Variants in CCDC66 observed in about 807,000 individuals in gnomAD.
CCDC66 encodes the protein coiled-coil domain containing 66.
CCDC66 carries 133 observed loss-of-function variants against 128.3 expected under a neutral mutation model. The observed-to-expected ratio is 1.04, with a 90% confidence interval of 0.90 to 1.20. The LOEUF (loss-of-function observed/expected upper bound fraction) is 1.20. CCDC66 is among the 50% of genes most tolerant of loss of function. CCDC66 has a pLI of 0.00. For synonymous variants in CCDC66, 387 were observed against 357.0 expected (o/e 1.08, Z -0.95); for missense variants, 1,126 against 1,075.5 (o/e 1.05, Z -0.66).
Position 56,566,590 on chromosome 3 carries a change from C to T in CCDC66, c.545-4C>T. On this transcript the variant is annotated splice_polypyrimidine_tract_variant and splice_region_variant and intron_variant, in intron 4 of 17. Coordinates refer to ENST00000394672, the MANE Select transcript of CCDC66 (RefSeq NM_001141947.3). ...AATTTTAAAACATGTATTTTACCTC[C>T]TAGGTCAATATAGTCTATATTTAAA... 1 of 1,538,358 alleles carries T rather than the reference C, an allele frequency of 6.5e-7. No individual in the cohort carries two copies. The highest frequency in any genetic ancestry group is 9.0e-7 in the Non-Finnish European group (1 of 1,116,026).
chr3:56,619,937 T>TTATG, intron 17 of CCDC66, 36 bp downstream of exon 17: 1 of 1,600,350 alleles, frequency 6.2e-7, no homozygotes, highest in Non-Finnish European at 8.5e-7. Context: ...TGTCTGTTCT[T>TTATG]TATGTGGCGT....
chr3:56,563,196 A>C (rs2065336624), intron 3 of CCDC66, among the ~76,000 whole-genome samples: 1 of 151,844 alleles, frequency 6.6e-6, no homozygotes, highest in Admixed American at 6.6e-5. Context: ...CCCCGTCCCT[A>C]CTAAAAATAC....
At chr3:56,612,619 G>T (rs972490643) in intron 10 of CCDC66, among the ~76,000 whole-genome samples, 1 of 152,198 alleles carries the variant, frequency 6.6e-6, no homozygotes, top group African/African-American at 2.4e-5. Flanking sequence ...ACAACCCTCT[G>T]GGATCCAAGC....
chr3:56,593,138 TAAAATC>T (rs2071242676), intron 8 of CCDC66, 37 bp downstream of exon 8: 1 of 1,475,538 alleles, frequency 6.8e-7, no homozygotes, highest in Non-Finnish European at 9.2e-7. Context: ...AAAGAAAAAA[TAAAATC>T]AAAGTCTTTA....
At chr3:56,572,470 A>G (rs1346385167) in intron 7 of CCDC66, 69 of 973,738 alleles carry the variant, frequency 7.1e-5, no homozygotes, top group Non-Finnish European at 2.8e-6. Context: ...TAAACCTTTT[A>G]GTATTTGACC....
chr3:56,559,446 T>C, intron 2 of CCDC66, 123 bp from the exon 3 acceptor site: 1 of 619,634 alleles, frequency 1.6e-6, no homozygotes, highest in East Asian at 3.2e-5. Context: ...ATCTAAAGTT[T>C]ATGCTTTCGA....
intron 6 of CCDC66, among the ~76,000 whole-genome samples, chr3:56,567,966 A>T (rs2066108932): frequency 6.6e-6 from 1 of 152,190 alleles, no homozygotes; most frequent in Admixed American, 6.5e-5. Flanking sequence ...CTAGGATTAC[A>T]GGCGTGAGCC....
intron 7 of CCDC66, among the ~76,000 whole-genome samples, chr3:56,582,372 G>A (rs184182516): frequency 9.9e-5 from 15 of 151,916 alleles, no homozygotes; most frequent in Admixed American, 7.9e-4. Context: ...AGGGTGAGGC[G>A]ATGCCCCACC....
At chr3:56,558,955 T>C in intron 2 of CCDC66, 45 bp downstream of exon 2, 1 of 1,337,232 alleles carries the variant, frequency 7.5e-7, no homozygotes, top group Non-Finnish European at 1.0e-6. Context: ...TTTAAATTCA[T>C]ACATAAAATT....
chr3:56,578,438 A>G lies in CCDC66; in HGVS notation c.936+7136A>G, dbSNP rs1379011536. Reference sequence around the variant, plus strand: ...CTGATTGCCCTGGCCAGAACTTCCAATACTATGTTGAATAGGAGTGGAGAG... The same window carrying G: ...CTGATTGCCCTGGCCAGAACTTCCAGTACTATGTTGAATAGGAGTGGAGAG... On this transcript the variant is annotated intron_variant, in intron 7 of 17. Coordinates refer to ENST00000394672, the MANE Select transcript of CCDC66 (RefSeq NM_001141947.3). Among the ~76,000 whole-genome samples the G allele has an allele frequency of 2.0e-5, 3 of 151,834 alleles. 1 individual carries two copies. In the East Asian group the frequency reaches 5.9e-4, roughly 30 times the overall value.
At chr3:56,565,642 A>T (rs1441701282) in intron 4 of CCDC66, among the ~76,000 whole-genome samples, 2 of 147,152 alleles carry the variant, frequency 1.4e-5, no homozygotes, top group African/African-American at 2.5e-5. Context: ...TTTTAGATGG[A>T]GTCTCGCTCC....
At chr3:56,614,684 C>T (rs1293925378) in intron 11 of CCDC66, among the ~76,000 whole-genome samples, 1 of 152,144 alleles carries the variant, frequency 6.6e-6, no homozygotes, top group Non-Finnish European at 1.5e-5. Context: ...CACTTGGCAA[C>T]CTTCACTCCA....
chr3:56,583,464 G>A (rs2068788857), intron 7 of CCDC66, among the ~76,000 whole-genome samples: 1 of 151,924 alleles, frequency 6.6e-6, no homozygotes, highest in Non-Finnish European at 1.5e-5. Context: ...CAGTGTTTGT[G>A]TCCCTGGGTA....
intron 7 of CCDC66, among the ~76,000 whole-genome samples, chr3:56,587,059 C>T (rs2069902832): frequency 6.6e-6 from 1 of 151,544 alleles, no homozygotes; most frequent in Non-Finnish European, 1.5e-5. Flanking sequence ...AGATAAGATG[C>T]CAATATATTA....
chr3:56,617,276 T>A lies in CCDC66; in HGVS notation c.2008T>A (p.Leu670Ile), dbSNP rs532668893. ...ACTAACTCAGGATAAAGGAGCCAGC[T>A]TAGAAAAAGAAAACAATCGGTGTAA... ...QELTQDKGAS[L>I]EKENNRCNDQ... Residue 670 changes from leucine to isoleucine, a missense_variant, in exon 14 of 18, where the codon TTA (leucine) becomes ATA (isoleucine). Physicochemically the swap from Leu to Ile is conservative, Grantham distance 5 (BLOSUM62 2). Transcript: ENST00000394672. 23 of 1,613,622 alleles carry A rather than the reference T, an allele frequency of 1.4e-5. No homozygotes were observed. The South Asian group carries it at 2.3e-4, about 16-fold the overall frequency.
In CCDC66 at chr3:56,566,741, G is replaced by A. The variant is rs1268345297; in HGVS notation, c.692G>A (p.Cys231Tyr). 2 of 1,610,238 alleles carry A rather than the reference G, an allele frequency of 1.2e-6. No homozygotes were observed. The highest frequency in any genetic ancestry group is 3.3e-4 in the Middle Eastern group (2 of 6,044). Residue 231 changes from cysteine to tyrosine, a missense_variant, in exon 5 of 18, where the codon TGT becomes TAT. Cys to Tyr is a radical substitution (Grantham distance 194). Coordinates refer to ENST00000394672, the MANE Select transcript of CCDC66 (RefSeq NM_001141947.3). ...GAACATCAGGAGACATCTAAACAGT[G>A]TGAGCAAAAAATTGCCATGTATGTA... ...LNEHQETSKQ[C>Y]EQKIAIENEW...
chr3:56,576,299 A>G (rs1347409589), intron 7 of CCDC66, among the ~76,000 whole-genome samples: 2 of 137,082 alleles, frequency 1.5e-5, no homozygotes, highest in African/African-American at 5.4e-5. Flanking sequence ...TTTTTTATAT[A>G]TTTTTCTTTT....
chr3:56,561,154 G>A (rs1246732825), intron 3 of CCDC66: 2 of 449,614 alleles, frequency 4.4e-6, no homozygotes, highest in South Asian at 1.6e-5. Flanking sequence ...ATTAAAAATT[G>A]CAACTAACTG....
chr3:56,569,432 G>A, intron 6 of CCDC66: 1 of 210,746 alleles, frequency 4.7e-6, no homozygotes, highest in Non-Finnish European at 1.1e-5. Flanking sequence ...CAAGAGAGAT[G>A]CCAGGCTCTT....
Sources: gnomAD v4.1 joint callset for allele counts (sites outside exome capture counted in the v4.1 genomes callset) on GRCh38, gnomAD v4.1.1 for gene constraint, MANE v1.5 for transcripts, NCBI Gene and HGNC (gene_info 2026-07-23, HGNC 2026-07-21) for gene names.